The following HPSE2 variants were observed in gnomAD, a reference collection of about 807,000 sequenced individuals.
HPSE2 encodes the protein heparanase 2 (inactive).
HPSE2 carries 38 observed loss-of-function variants against 60.5 expected under a neutral mutation model. The ratio of observed to expected loss-of-function variants is 0.63; its 90% CI spans 0.48 to 0.82. The LOEUF (loss-of-function observed/expected upper bound fraction) is 0.82. Ranked by LOEUF, HPSE2 falls within the 40% of genes least tolerant of loss-of-function variation. The pLI is 0.00. For missense variants in HPSE2, 713 were observed against 740.4 expected (o/e 0.96, Z 0.43); for synonymous variants, 295 against 293.2 (o/e 1.01, Z -0.06).
chr10:98,854,310 A>G (rs145720965), intron 3 of HPSE2, among the ~76,000 whole-genome samples: 5 of 152,306 alleles, frequency 3.3e-5, no homozygotes, highest in Admixed American at 6.5e-5. Context: ...AGATTCAATT[A>G]TGAATTGCTA....
intron 9 of HPSE2, among the ~76,000 whole-genome samples, chr10:98,499,151 T>C (rs1379922821): frequency 3.9e-5 from 6 of 152,052 alleles, no homozygotes; most frequent in Non-Finnish European, 8.8e-5. Context: ...AGCACAAAAA[T>C]CACCTGGGAA....
chr10:98,721,686 C>G lies in HPSE2; in HGVS notation c.927G>C (p.Pro309=). ...CTAGGAGGGCGATGACATTCTTCCT[C>G]GGCCGCCCAATATTAGGGCCATATA... is the stretch of plus-strand genomic sequence containing the variant. The part of the protein sequence containing the change: ...ASLYGPNIGR[P]RKNVIALLDG... Residue 309 remains proline (P), a synonymous_variant, in exon 5 of 12, where the codon CCG becomes CCC. Coordinates refer to ENST00000370552, the MANE Select transcript of HPSE2 (RefSeq NM_021828.5). 1 of 1,613,652 alleles carries G rather than the reference C, an allele frequency of 6.2e-7. No individual in the cohort carries two copies.
chr10:98,973,862 G>C (rs981762943), intron 3 of HPSE2, among the ~76,000 whole-genome samples: 1 of 152,024 alleles, frequency 6.6e-6, no homozygotes, highest in Non-Finnish European at 1.5e-5. Flanking sequence ...AAAAAAAGGG[G>C]GGGGGAGATA....
At chr10:98,619,084 G>C (rs1208970393) in intron 8 of HPSE2, among the ~76,000 whole-genome samples, 1 of 152,170 alleles carries the variant, frequency 6.6e-6, no homozygotes, top group Non-Finnish European at 1.5e-5. Flanking sequence ...CATCTGTAAA[G>C]GCAATCCACT....
Position 98,512,517 on chromosome 10 carries a change from G to C in HPSE2, c.1321-22321C>G, listed in dbSNP as rs546114089. Among the ~76,000 whole-genome samples the C allele has an allele frequency of 4.0e-5, 6 of 151,840 alleles. No individual in the cohort carries two copies. In the South Asian group the frequency reaches 8.3e-4, roughly 21 times the overall value. ...GGAGAATGGCATGAACCCGGGAGGC[G>C]GAGGTTGCAGTGAGCCAAGATCGCA... On this transcript the variant is annotated intron_variant, in intron 9 of 11. Coordinates refer to ENST00000370552, the MANE Select transcript of HPSE2 (RefSeq NM_021828.5).
intron 3 of HPSE2, among the ~76,000 whole-genome samples, chr10:99,124,308 T>C (rs2135718840): frequency 6.6e-6 from 1 of 152,260 alleles, no homozygotes; most frequent in South Asian, 2.1e-4. Context: ...GGACCGTAAG[T>C]TCTCACTCTG....
chr10:99,076,893 G>T (rs1842967228), intron 3 of HPSE2, among the ~76,000 whole-genome samples: 1 of 152,090 alleles, frequency 6.6e-6, no homozygotes, highest in South Asian at 2.1e-4. Flanking sequence ...TTTAAGGCAG[G>T]TCTGGGTCGC....
At chr10:99,080,883 T>A (rs958464745) in intron 3 of HPSE2, among the ~76,000 whole-genome samples, 1 of 152,254 alleles carries the variant, frequency 6.6e-6, no homozygotes, top group Non-Finnish European at 1.5e-5. Context: ...GTTCAGTTTA[T>A]TTGGAATAAG....
At chr10:98,863,621 T>C (rs1179458453) in intron 3 of HPSE2, among the ~76,000 whole-genome samples, 1 of 152,170 alleles carries the variant, frequency 6.6e-6, no homozygotes, top group Non-Finnish European at 1.5e-5. Flanking sequence ...GTCTCAGAGA[T>C]GCTCAAGCCT....
At chr10:99,075,208 A>G (rs1204744604) in intron 3 of HPSE2, among the ~76,000 whole-genome samples, 1 of 152,028 alleles carries the variant, frequency 6.6e-6, no homozygotes, top group African/African-American at 2.4e-5. Flanking sequence ...TGCATCTTAT[A>G]GGTTTGGTAT....
At chr10:98,537,962 T>C (rs1049318132) in intron 9 of HPSE2, among the ~76,000 whole-genome samples, 2 of 152,224 alleles carry the variant, frequency 1.3e-5, no homozygotes, top group African/African-American at 4.8e-5. Context: ...TCTTTGATCT[T>C]TCTTATAAGT....
At chr10:99,157,492 G>A (rs1163133018) in intron 2 of HPSE2, among the ~76,000 whole-genome samples, 1 of 100,422 alleles carries the variant, frequency 1.0e-5, no homozygotes, top group Non-Finnish European at 2.2e-5. Flanking sequence ...AGAAAAACAA[G>A]CAATGGGGAA....
chr10:99,240,702 A>C (rs2133963076), upstream of HPSE2, among the ~76,000 whole-genome samples: 1 of 151,968 alleles, frequency 6.6e-6, no homozygotes, highest in South Asian at 2.1e-4. Flanking sequence ...GTGAGCCACC[A>C]CGCCCAGCCT....
intron 3 of HPSE2, among the ~76,000 whole-genome samples, chr10:98,822,614 T>G (rs933707102): frequency 6.6e-6 from 1 of 152,048 alleles, no homozygotes; most frequent in African/African-American, 2.4e-5. Flanking sequence ...GAATTCCAAT[T>G]AAAAGACAAA....
At chr10:98,614,572 G>A (rs947373902) in intron 9 of HPSE2, among the ~76,000 whole-genome samples, 4 of 152,090 alleles carry the variant, frequency 2.6e-5, no homozygotes, top group African/African-American at 7.2e-5. Flanking sequence ...GATTACAGGC[G>A]TGAGCCACCG....
At chr10:98,977,433 T>G (rs1286148259) in intron 3 of HPSE2, among the ~76,000 whole-genome samples, 2 of 152,178 alleles carry the variant, frequency 1.3e-5, no homozygotes, top group Non-Finnish European at 2.9e-5. Context: ...GGCAATAAGG[T>G]GGGCAACCAG....
intron 9 of HPSE2, among the ~76,000 whole-genome samples, chr10:98,514,106 G>C (rs1942511306): frequency 1.3e-5 from 2 of 152,036 alleles, no homozygotes; most frequent in South Asian, 4.1e-4. Context: ...GTAAAAAGGA[G>C]TGACTTTCTG....
Position 98,776,254 on chromosome 10 carries a change from G to T in HPSE2, c.611-32198C>A, listed in dbSNP as rs113701498. 2.3e-4 allele frequency among the ~76,000 whole-genome samples: 32 copies of T among 141,916 alleles called. 1 individual carries two copies. The highest frequency in any genetic ancestry group is 8.3e-4 in the African/African-American group (31 of 37,354). 93.1% of individuals were successfully genotyped at this position (141,916 alleles called of 152,430 possible). A position where few individuals can be genotyped will look rare whatever the true frequency, so the allele number is the denominator to read the frequency against. On this transcript the variant is annotated intron_variant, in intron 3 of 11. Transcript: ENST00000370552. ...TTGAGACCAGCCTGACCAACATGGT[G>T]AAACCCCATCTCTACTAAAAATACA...
the HPSE2 span, among the ~76,000 whole-genome samples, chr10:99,305,979 G>GCGCGCGCGCGCGCGCACACACA: frequency 6.2e-5 from 5 of 80,574 alleles, no homozygotes; most frequent in Admixed American, 2.4e-4. Context: ...GCGCGCGCGC[G>GCGCGCGCGCGCGCGCACACACA]CACACACACA....
Sources: gnomAD v4.1 joint callset for allele counts (sites outside exome capture counted in the v4.1 genomes callset) on GRCh38, gnomAD v4.1.1 for gene constraint, MANE v1.5 for transcripts, NCBI Gene and HGNC (gene_info 2026-07-23, HGNC 2026-07-21) for gene names.